Variants in GATAD2B observed in about 807,000 individuals in gnomAD.
GATAD2B encodes GATA zinc finger domain containing 2B, also known as transcriptional repressor p66-beta.
A neutral mutation model predicts 64.3 loss-of-function variants in GATAD2B; 8 were observed. That is an observed-to-expected ratio of 0.12 (90% CI 0.07 to 0.22). The LOEUF (loss-of-function observed/expected upper bound fraction) is 0.22. Among genes scored for constraint, GATAD2B ranks in the 10% least tolerant of loss-of-function variants. GATAD2B has a pLI of 1.00. For missense variants in GATAD2B, 453 were observed against 752.0 expected, an observed-to-expected ratio of 0.60 and a Z score of 4.65; for synonymous variants, 281 against 271.3, an observed-to-expected ratio of 1.04 and a Z score of -0.35.
intron 1 of GATAD2B, among the ~76,000 whole-genome samples, chr1:153,910,538 A>G (rs1440670671): frequency 5.3e-5 from 8 of 152,032 alleles, no homozygotes; most frequent in Admixed American, 5.2e-4. Flanking sequence ...TCAGGAGTTC[A>G]AGACCAGCCT....
chr1:153,900,319 T>C (rs1262407926), intron 1 of GATAD2B, among the ~76,000 whole-genome samples: 1 of 151,696 alleles, frequency 6.6e-6, no homozygotes, highest in African/African-American at 2.4e-5. Flanking sequence ...CTCAGGAGGC[T>C]TGAGGCAGGA....
At chr1:153,863,655 C>T (rs1676386211) in intron 1 of GATAD2B, among the ~76,000 whole-genome samples, 3 of 151,448 alleles carry the variant, frequency 2.0e-5, no homozygotes, top group South Asian at 2.1e-4. Flanking sequence ...GACAGAGTCT[C>T]GCTCTGTCTT....
At chr1:153,912,436 A>G (rs1238537098) in intron 1 of GATAD2B, among the ~76,000 whole-genome samples, 1 of 152,230 alleles carries the variant, frequency 6.6e-6, no homozygotes, top group Non-Finnish European at 1.5e-5. Flanking sequence ...ATGACACAGT[A>G]ACACATAAAT....
chr1:153,852,180 CTCAG>C lies in GATAD2B; in HGVS notation c.-1-23836_-1-23833del, dbSNP rs574236825. 15 of 868,688 alleles carry C rather than the reference CTCAG, an allele frequency of 1.7e-5. No individual in the cohort carries two copies. In the Admixed American group the frequency reaches 2.4e-4, roughly 14 times the overall value. 53.8% of individuals were successfully genotyped at this position (868,688 alleles called of 1,614,324 possible). A position where few individuals can be genotyped will look rare whatever the true frequency, so the allele number is the denominator to read the frequency against. ...CACTTTGGTCCTAAGCATTCTGAGA[CTCAG>C]TCAGTTGAGGGTGAAAGGGACCTAC... is the stretch of plus-strand genomic sequence containing the variant. On this transcript the variant is annotated intron_variant, in intron 1 of 10. Transcript: ENST00000368655.
intron 1 of GATAD2B, among the ~76,000 whole-genome samples, chr1:153,878,339 G>A (rs1356889233): frequency 6.6e-6 from 1 of 151,910 alleles, no homozygotes; most frequent in African/African-American, 2.4e-5. Flanking sequence ...ATGTTGCCCA[G>A]GCTGGTCTCA....
chr1:153,835,870 G>A (rs916074156), intron 1 of GATAD2B, among the ~76,000 whole-genome samples: 7 of 151,742 alleles, frequency 4.6e-5, no homozygotes, highest in African/African-American at 4.8e-5. Flanking sequence ...TTACAGGCGC[G>A]TACCACCATG....
chr1:153,811,594 TAAC>T (rs1674294765), intron 10 of GATAD2B, 134 bp downstream of exon 10: 2 of 716,998 alleles, frequency 2.8e-6, no homozygotes, highest in South Asian at 1.6e-5. Flanking sequence ...ATTTGCTGAG[TAAC>T]AGAAGAGTGA....
At chr1:153,878,364 A>T in intron 1 of GATAD2B, among the ~76,000 whole-genome samples, 1 of 151,964 alleles carries the variant, frequency 6.6e-6, no homozygotes, top group African/African-American at 2.4e-5. Context: ...CCTGAGCTCA[A>T]GCAATTCTGC....
chr1:153,852,952 C>T lies in GATAD2B; in HGVS notation c.-1-24604G>A, dbSNP rs144764764. ...ACTTCCTAAGCTTGTGTTAATGCTG[C>T]CACTGACACAGACTTGGGTCTTCTC... On this transcript the variant is annotated intron_variant, in intron 1 of 10. Transcript: ENST00000368655. The T allele has an allele frequency of 5.4e-4, 473 of 868,434 alleles. 2 individuals carry two copies. The African/African-American group carries it at 6.4e-3, about 12-fold the overall frequency. 53.8% of individuals were successfully genotyped at this position (868,434 alleles called of 1,614,324 possible).
chr1:153,824,648 C>A (rs1337277444), intron 2 of GATAD2B, among the ~76,000 whole-genome samples: 2 of 133,394 alleles, frequency 1.5e-5, no homozygotes, highest in Admixed American at 7.9e-5. Flanking sequence ...GTTGGGTTTT[C>A]AGGAAGTCTG....
intron 1 of GATAD2B, among the ~76,000 whole-genome samples, chr1:153,903,755 G>C (rs77986451): frequency 6.6e-6 from 1 of 152,086 alleles, no homozygotes; most frequent in Non-Finnish European, 1.5e-5. Flanking sequence ...AGGCTGAGGC[G>C]GGCAGACAGC....
chr1:153,812,880 T>C (rs1049761363), intron 8 of GATAD2B, among the ~76,000 whole-genome samples: 25 of 152,222 alleles, frequency 1.6e-4, no homozygotes, highest in African/African-American at 5.3e-4. Flanking sequence ...ATTCACTCTT[T>C]CTTTCGTCAT....
At chr1:153,914,854 G>A (rs1678215569) in intron 1 of GATAD2B, 1 of 152,072 alleles carries the variant, frequency 6.6e-6, no homozygotes, top group Admixed American at 6.6e-5. Flanking sequence ...TTGAGCTCAG[G>A]AGTTCAAGGT....
chr1:153,843,363 T>C (rs1215996034), intron 1 of GATAD2B, among the ~76,000 whole-genome samples: 1 of 151,948 alleles, frequency 6.6e-6, no homozygotes, highest in Non-Finnish European at 1.5e-5. Context: ...GGCACCATCT[T>C]AGCAATCTGC....
intron 1 of GATAD2B, among the ~76,000 whole-genome samples, chr1:153,894,770 G>C (rs1198611551): frequency 6.6e-6 from 1 of 152,206 alleles, no homozygotes; most frequent in Admixed American, 6.5e-5. Context: ...GCTGAGGCAG[G>C]AGAATCGCTT....
At chr1:153,815,697 T>C (rs1557780595) in intron 7 of GATAD2B, among the ~76,000 whole-genome samples, 2 of 151,130 alleles carry the variant, frequency 1.3e-5, no homozygotes, top group African/African-American at 4.9e-5. Flanking sequence ...TTAGATAGAA[T>C]AGAATAGATA....
chr1:153,860,633 T>G (rs764345525), intron 1 of GATAD2B, among the ~76,000 whole-genome samples: 2 of 151,832 alleles, frequency 1.3e-5, no homozygotes, highest in African/African-American at 4.8e-5. Flanking sequence ...CTGCCACTGG[T>G]AGTTAAAATT....
intron 1 of GATAD2B, among the ~76,000 whole-genome samples, chr1:153,841,122 C>T (rs1675475869): frequency 9.6e-6 from 1 of 103,916 alleles, no homozygotes; most frequent in South Asian, 3.5e-4. Context: ...AAGACTCCGT[C>T]TCAAAAAAAA....
Position 153,816,309 on chromosome 1 carries a change from A to G in GATAD2B, c.1180T>C (p.Leu394=), listed in dbSNP as rs763464326. 15 of 1,613,808 alleles carry G rather than the reference A, an allele frequency of 9.3e-6. No individual in the cohort carries two copies. The highest frequency in any genetic ancestry group is 8.5e-7 in the Non-Finnish European group (1 of 1,179,762). The part of the protein sequence containing the change: ...ANSEFIYMVG[L]EEVVQSVIDS... ...ATGACACTCTGTACGACTTCTTCCA[A>G]GCCTACCATGTAGATGAACTCGCTA... is the stretch of plus-strand genomic sequence containing the variant. The change falls in exon 7 of 11, where the codon TTG becomes CTG. Residue 394 remains leucine (L), a synonymous_variant. Coordinates refer to ENST00000368655, the MANE Select transcript of GATAD2B (RefSeq NM_020699.4). The surrounding 1 kb of genome is among the most constrained non-coding windows in gnomAD (Gnocchi z 4.9).
Sources: gnomAD v4.1 joint callset for allele counts (sites outside exome capture counted in the v4.1 genomes callset) on GRCh38, gnomAD v4.1.1 for gene constraint, Gnocchi (gnomAD v3.1) non-coding constraint, MANE v1.5 for transcripts, NCBI Gene and HGNC (gene_info 2026-07-23, HGNC 2026-07-21) for gene names.